The following ERCC6 variants were observed in gnomAD, a reference collection of about 807,000 sequenced individuals.
ERCC6 encodes ERCC excision repair 6, chromatin remodeling factor.
In ERCC6, 116 loss-of-function variants were observed where a neutral mutation model predicts 158.7. The ratio of observed to expected loss-of-function variants is 0.73; its 90% CI spans 0.63 to 0.85. ERCC6 has a LOEUF of 0.85. Among genes scored for constraint, ERCC6 ranks in the 40% least tolerant of loss-of-function variants. The probability of loss-of-function intolerance (pLI) is 0.00; values close to 1 mark genes in which losing one functional copy is unlikely to be tolerated. For missense variants in ERCC6, 1,698 were observed against 1,799.4 expected, an observed-to-expected ratio of 0.94 and a Z score of 1.02; for synonymous variants, 678 against 659.3, an observed-to-expected ratio of 1.03 and a Z score of -0.43.
rs775531195 is a variant in ERCC6, at chr10:49,461,392, T to A, written c.3943A>T (p.Thr1315Ser). Reference sequence around the variant, plus strand: ...GCACCAGAAATCCCCCTGTGGCCAGTCCAGGTGGGAACACCAGACACTGCT... The same window carrying A: ...GCACCAGAAATCCCCCTGTGGCCAGACCAGGTGGGAACACCAGACACTGCT... ...LGAVSGVPTW[T>S]GHRGISGAPA... The change falls in exon 19 of 21, where the codon ACT (threonine) becomes TCT (serine). Residue 1315 changes from threonine (T) to serine (S), a missense_variant. Coordinates refer to ENST00000355832, the MANE Select transcript of ERCC6 (RefSeq NM_000124.4). The A allele has an allele frequency of 1.4e-5, 22 of 1,613,786 alleles. No homozygotes were observed. Among genetic ancestry groups the A allele is most frequent in the Non-Finnish European group, 1.7e-5 (20 of 1,180,026 alleles).
chr10:49,524,307 A>C lies in ERCC6; in HGVS notation c.1123T>G (p.Phe375Val), dbSNP rs1187104927. ...GDSEGEESEYFPTEEEEEEED... is the reference protein window; with the variant it reads ...GDSEGEESEYVPTEEEEEEED... The stretch of plus-strand genomic sequence containing the variant: ...TCCTCTTCCTCCTCCTCTGTGGGGA[A>C]ATACTCAGACTCTTCACCCTCAGAG... The change falls in exon 5 of 21, where the codon TTC (phenylalanine) becomes GTC (valine). Residue 375 changes from phenylalanine to valine, a missense_variant. Physicochemically the swap from Phe to Val is conservative, Grantham distance 50. Transcript: ENST00000355832. The C allele has an allele frequency of 6.2e-7, 1 of 1,613,958 alleles. No homozygotes were observed. Among genetic ancestry groups the C allele is most frequent in the South Asian group, 1.1e-5 (1 of 91,078 alleles).
chr10:49,461,628 A>G, intron 18 of ERCC6, 72 bp from the exon 19 acceptor site: 1 of 1,457,576 alleles, frequency 6.9e-7, no homozygotes, highest in South Asian at 1.2e-5. Flanking sequence ...CCTCTGTATA[A>G]GTACAGTACT....
intron 5 of ERCC6, chr10:49,516,885 T>C: frequency 1.9e-6 from 3 of 1,614,120 alleles, no homozygotes; most frequent in Non-Finnish European, 2.5e-6. Flanking sequence ...GTATGAGGGA[T>C]CATCTGAGTC....
At chr10:49,504,098 C>A (rs1323728632) in intron 6 of ERCC6, 4 of 152,076 alleles carry the variant, frequency 2.6e-5, no homozygotes, top group Non-Finnish European at 5.9e-5. Context: ...CAACTCTATA[C>A]CCTGTCAATT....
chr10:49,529,173 G>A (rs4253035), intron 3 of ERCC6, among the ~76,000 whole-genome samples: 241 of 152,268 alleles, frequency 1.6e-3, no homozygotes, highest in Admixed American at 3.1e-3. Flanking sequence ...CAATGAACTG[G>A]GCTTGTGGTA....
At chr10:49,495,960 T>A (rs141034381) in intron 7 of ERCC6, among the ~76,000 whole-genome samples, 1 of 152,170 alleles carries the variant, frequency 6.6e-6, no homozygotes, top group Non-Finnish European at 1.5e-5. Context: ...GCGACAGAGA[T>A]TAAACACCTG....
intron 20 of ERCC6, chr10:49,460,058 T>C (rs1850550000): frequency 4.6e-6 from 2 of 431,142 alleles, no homozygotes; most frequent in Non-Finnish European, 4.3e-6. Context: ...AGGGTTGTGG[T>C]CTCTGGAGCT....
In ERCC6 at chr10:49,454,798, C is replaced by T. The variant is rs916519563; in HGVS notation, c.*4017G>A. Among the ~76,000 whole-genome samples the T allele has an allele frequency of 6.6e-6, 1 of 151,902 alleles. No homozygotes were observed. Among genetic ancestry groups the T allele is most frequent in the African/African-American group, 2.4e-5 (1 of 41,346 alleles). ...CCATTTGTGATAATCAATTATGATA[C>T]CACAATGATAAAAACAGTGGGTTAC... On this transcript the variant is annotated 3_prime_UTR_variant, in exon 21 of 21. Transcript: ENST00000355832.
At chr10:49,462,411 A>T (rs1850599228) in intron 18 of ERCC6, among the ~76,000 whole-genome samples, 1 of 152,202 alleles carries the variant, frequency 6.6e-6, no homozygotes, top group South Asian at 2.1e-4. Context: ...CAAGTAGTAC[A>T]AGAAAACATG....
Position 49,460,418 on chromosome 10 carries a change from G to A in ERCC6, c.4017C>T (p.Phe1339=), listed in dbSNP as rs200428567. Residue 1339 remains phenylalanine, a synonymous_variant, in exon 20 of 21, where the codon TTC becomes TTT. Transcript: ENST00000355832. The stretch of plus-strand genomic sequence containing the variant: ...ATGTTGATGAAGGATGCTGCACAGA[G>A]AAGTTAGAATTCCTTTTCTTACCAA... The part of the protein sequence containing the change: ...SRFGKKRNSN[F]SVQHPSSTSP... The A allele has an allele frequency of 3.7e-5, 59 of 1,613,662 alleles. No homozygotes were observed. In the Admixed American group the frequency reaches 5.2e-4, roughly 14 times the overall value.
Position 49,470,375 on chromosome 10 carries a change from G to T in ERCC6, c.3585C>A (p.Thr1195=). Residue 1195 remains threonine, a synonymous_variant, in exon 18 of 21, where the codon ACC becomes ACA. Coordinates refer to ENST00000355832, the MANE Select transcript of ERCC6 (RefSeq NM_000124.4). Reference sequence around the variant, plus strand: ...GCTTTGGTCTCAGATGTTTCTCCAGGGTCTCTTCTTCTGCCACACTATGAT... The same window carrying T: ...GCTTTGGTCTCAGATGTTTCTCCAGTGTCTCTTCTTCTGCCACACTATGAT... ...TKHHSVAEEE[T]LEKHLRPKQK... is the part of the protein sequence containing the mutation. 6.2e-7 allele frequency: 1 copy of T among 1,613,954 alleles called. No individual in the cohort carries two copies. The highest frequency in any genetic ancestry group is 8.5e-7 in the Non-Finnish European group (1 of 1,179,992).
At position 49,524,446 on chromosome 10, in the gene ERCC6, C is replaced by T; in HGVS notation, c.984G>A (p.Leu328=). 1 of 1,614,186 alleles carries T rather than the reference C, an allele frequency of 6.2e-7. No homozygotes were observed. The highest frequency in any genetic ancestry group is 1.7e-5 in the Admixed American group (1 of 60,024). ...TCTGGAGTTTCTTGATGTGCTTTTT[C>T]AAACGCTCCTCTTTTTTGGACAGAA... ...ARVLSKKEER[L]KKHIKKLQKR... Residue 328 remains leucine (L), a synonymous_variant, in exon 5 of 21, where the codon TTG becomes TTA. Coordinates refer to ENST00000355832, the MANE Select transcript of ERCC6 (RefSeq NM_000124.4).
rs138756386 is a variant in ERCC6, at chr10:49,530,825, G to T, written c.438C>A (p.Ser146=). ...CAATAATTTTATTGATTTGCCTTAG[G>T]GATGTCGTACATGACCTGAAAAATA... ...VLDDLTSCTT[S]LRQINKIIEQ... The change falls in exon 3 of 21, where the codon TCC becomes TCA. Residue 146 remains serine, a synonymous_variant. Transcript: ENST00000355832. 3 of 1,613,252 alleles carry T rather than the reference G, an allele frequency of 1.9e-6. No homozygotes were observed. The highest frequency in any genetic ancestry group is 4.5e-5 in the East Asian group (2 of 44,826).
chr10:49,455,823 T>C lies in ERCC6; in HGVS notation c.*2992A>G, dbSNP rs1850475275. On this transcript the variant is annotated 3_prime_UTR_variant, in exon 21 of 21. Coordinates refer to ENST00000355832, the MANE Select transcript of ERCC6 (RefSeq NM_000124.4). ...CAGGGAAATTCAAGTGAAAACAAGG[T>C]ACTTTCAATCACGAGACTGGTTAAA... 6.6e-6 allele frequency: 1 copy of C among 152,212 alleles called. No individual in the cohort carries two copies. Among genetic ancestry groups the C allele is most frequent in the Non-Finnish European group, 1.5e-5 (1 of 68,048 alleles). 9.4% of individuals were successfully genotyped at this position (152,212 alleles called of 1,614,324 possible).
At chr10:49,486,674 C>T (rs924200212) in intron 8 of ERCC6, among the ~76,000 whole-genome samples, 1 of 152,072 alleles carries the variant, frequency 6.6e-6, no homozygotes. Context: ...AAGTTCGTTG[C>T]AAAAATGGAC....
intron 7 of ERCC6, among the ~76,000 whole-genome samples, chr10:49,493,833 A>T (rs1851217965): frequency 6.6e-6 from 1 of 152,062 alleles, no homozygotes; most frequent in African/African-American, 2.4e-5. Context: ...TCCTCACTAC[A>T]CCACCCTGCC....
chr10:49,516,080 T>C (rs1405393180), intron 5 of ERCC6: 1 of 1,614,034 alleles, frequency 6.2e-7, no homozygotes, highest in East Asian at 2.2e-5. Flanking sequence ...AATGGTATTG[T>C]CCAGGGTGTG....
At chr10:49,528,318 T>C in intron 4 of ERCC6, 99 bp downstream of exon 4, 1 of 1,433,818 alleles carries the variant, frequency 7.0e-7, no homozygotes, top group Non-Finnish European at 9.8e-7. Flanking sequence ...AACGTATTTT[T>C]CTCAAAACCC....
the ERCC6 span, among the ~76,000 whole-genome samples, chr10:49,447,750 C>T: frequency 2.0e-5 from 3 of 151,912 alleles, no homozygotes; most frequent in Admixed American, 2.0e-4. Flanking sequence ...CCCTCCCCAC[C>T]CCAGCCTCTC....
Sources: allele counts gnomAD v4.1 joint callset (sites outside exome capture counted in the v4.1 genomes callset), GRCh38; gene constraint gnomAD v4.1.1; transcripts MANE v1.5; gene names NCBI Gene and HGNC (gene_info 2026-07-23, HGNC 2026-07-21).